ARHGAP8: variants seen among roughly 807,000 people sequenced by gnomAD.
The protein encoded by ARHGAP8 is rho GTPase-activating protein 8.
A neutral mutation model predicts 46.1 loss-of-function variants in ARHGAP8; 62 were observed. That is an observed-to-expected ratio of 1.34 (90% CI 1.10 to 1.66). ARHGAP8 has a LOEUF of 1.66. ARHGAP8 is among the 40% of genes most tolerant of loss of function. The pLI, the probability that ARHGAP8 is intolerant of heterozygous loss-of-function variation, is 0.00. For synonymous variants in ARHGAP8, 375 were observed against 243.1 expected, an observed-to-expected ratio of 1.54 and a Z score of -5.05; for missense variants, 923 against 568.4, an observed-to-expected ratio of 1.62 and a Z score of -6.34.
rs527605316 is a variant in ARHGAP8 at position 44,844,472 on chromosome 22, A to T, written c.597-797A>T. On this transcript the variant is annotated intron_variant, in intron 7 of 11. Transcript: ENST00000356099. Reference sequence around the variant, plus strand: ...CTCAGATTGGATTTTATTTTATTTTATTTTTTTTGAGATGGAGTCTCCCTC... The same window carrying T: ...CTCAGATTGGATTTTATTTTATTTTTTTTTTTTTGAGATGGAGTCTCCCTC... 8.2e-4 allele frequency among the ~76,000 whole-genome samples: 125 copies of T among 151,822 alleles called. 1 individual carries two copies. The highest frequency in any genetic ancestry group is 3.3e-3 in the East Asian group (17 of 5,132).
At position 44,862,345 on chromosome 22, in the gene ARHGAP8, T is replaced by G; in HGVS notation, c.1052T>G (p.Ile351Ser). Residue 351 changes from isoleucine to serine, a missense_variant, in exon 12 of 12, where the codon ATC becomes AGC. Coordinates refer to ENST00000356099, the MANE Select transcript of ARHGAP8 (RefSeq NM_181335.3). The part of the protein sequence containing the change: ...NLACVFGLNL[I>S]WPSQGVSSLS... ...GCCTGTGTCTTCGGGCTGAATTTGA[T>G]CTGGCCATCCCAGGGGGTCTCCTCC... 6.2e-7 allele frequency: 1 copy of G among 1,614,060 alleles called. No homozygotes were observed. Among genetic ancestry groups the G allele is most frequent in the Non-Finnish European group, 8.5e-7 (1 of 1,179,934 alleles).
intron 4 of ARHGAP8, among the ~76,000 whole-genome samples, chr22:44,812,981 G>T (rs1929445257): frequency 6.6e-6 from 1 of 151,978 alleles, no homozygotes; most frequent in African/African-American, 2.4e-5. Context: ...GGACTCCCAG[G>T]TCCTTCTGAC....
rs377622674 is a variant in ARHGAP8 at position 44,802,834 on chromosome 22, C to T, written c.167+670C>T. On this transcript the variant is annotated intron_variant, in intron 3 of 11. Transcript: ENST00000356099. ...TGTGTCTTCCCATCTCATAAGGACA[C>T]CAGCCACGGGACTAGAGCCACTCTA... 2.0e-3 allele frequency among the ~76,000 whole-genome samples: 307 copies of T among 152,294 alleles called. 1 individual carries two copies. The highest frequency in any genetic ancestry group is 7.1e-3 in the African/African-American group (294 of 41,552).
chr22:44,782,362 ATAAAT>A (rs1926904236), intron 1 of ARHGAP8, among the ~76,000 whole-genome samples: 1 of 152,176 alleles, frequency 6.6e-6, no homozygotes, highest in Non-Finnish European at 1.5e-5. Context: ...AATGAAAAGA[ATAAAT>A]TAATCACTTT....
intron 11 of ARHGAP8, among the ~76,000 whole-genome samples, chr22:44,861,865 A>C (rs899408718): frequency 1.3e-5 from 2 of 152,204 alleles, no homozygotes; most frequent in Admixed American, 6.5e-5. Context: ...TGCCCCTCGT[A>C]GTGGCCCCTA....
rs552007156 is a variant in ARHGAP8 at position 44,845,437 on chromosome 22, G to A, written c.670+95G>A. 7.1e-6 allele frequency: 11 copies of A among 1,550,562 alleles called. No individual in the cohort carries two copies. The African/African-American group carries it at 1.1e-4, about 15-fold the overall frequency. On this transcript the variant is annotated intron_variant, in intron 8 of 11. Coordinates refer to ENST00000356099, the MANE Select transcript of ARHGAP8 (RefSeq NM_181335.3). Reference sequence around the variant, plus strand: ...TGGATCCTGAGCACCCACAAGCCAGGGGGTGTGACCAGGAAGGGAGGGGCT... The same window carrying A: ...TGGATCCTGAGCACCCACAAGCCAGAGGGTGTGACCAGGAAGGGAGGGGCT...
At chr22:44,769,370 A>G (rs1925835138) in intron 1 of ARHGAP8, among the ~76,000 whole-genome samples, 1 of 152,160 alleles carries the variant, frequency 6.6e-6, no homozygotes, top group Non-Finnish European at 1.5e-5. Flanking sequence ...GTGTAGCTTT[A>G]TAATAGGTCT....
At chr22:44,819,684 A>G (rs1007413372) in intron 5 of ARHGAP8, among the ~76,000 whole-genome samples, 22 of 135,160 alleles carry the variant, frequency 1.6e-4, no homozygotes, top group African/African-American at 8.5e-4. Context: ...AGAAAAAAGA[A>G]AAAAAAATCT....
intron 1 of ARHGAP8, among the ~76,000 whole-genome samples, chr22:44,766,709 C>T (rs989410025): frequency 1.3e-5 from 2 of 152,182 alleles, no homozygotes; most frequent in African/African-American, 4.8e-5. Context: ...CTTCCTTCCT[C>T]TCCCCAGTCC....
intron 7 of ARHGAP8, among the ~76,000 whole-genome samples, chr22:44,835,028 A>G: frequency 6.6e-6 from 1 of 152,108 alleles, no homozygotes; most frequent in Admixed American, 6.6e-5. Flanking sequence ...ACAGCATATA[A>G]TTAGGTCATG....
intron 7 of ARHGAP8, among the ~76,000 whole-genome samples, chr22:44,827,170 C>T (rs1208316643): frequency 6.6e-6 from 1 of 151,684 alleles, no homozygotes; most frequent in Non-Finnish European, 1.5e-5. Context: ...AAGCAGAGGC[C>T]GGAGGGGTGC....
At chr22:44,776,706 G>C (rs545093488) in intron 1 of ARHGAP8, among the ~76,000 whole-genome samples, 1 of 152,118 alleles carries the variant, frequency 6.6e-6, no homozygotes, top group Non-Finnish European at 1.5e-5. Context: ...TGGGCACTCC[G>C]GGAGGATTTG....
rs2070564436 is a variant in ARHGAP8 at position 44,862,752 on chromosome 22, A to G, written c.*157A>G. On this transcript the variant is annotated 3_prime_UTR_variant, in exon 12 of 12. Transcript: ENST00000356099. ...GCCTCTGGTCCTTGGACTCTTGTCC[A>G]TGGTTCCTGAGCTGTGGACCGGGAT... The G allele has an allele frequency of 1.1e-6, 1 of 907,152 alleles. No individual in the cohort carries two copies. The highest frequency in any genetic ancestry group is 3.0e-5 in the Admixed American group (1 of 33,260). 56.2% of individuals were successfully genotyped at this position (907,152 alleles called of 1,614,324 possible).
At chr22:44,757,939 C>T (rs752542599) in intron 1 of ARHGAP8, among the ~76,000 whole-genome samples, 1 of 151,820 alleles carries the variant, frequency 6.6e-6, no homozygotes, top group Non-Finnish European at 1.5e-5. Flanking sequence ...ACAGGCATGA[C>T]CCACCGCCCC....
Position 44,859,826 on chromosome 22 carries a change from C to T in ARHGAP8, c.973C>T (p.Leu325=), listed in dbSNP as rs367647811. Residue 325 remains leucine (L), a synonymous_variant, in exon 11 of 12, where the codon CTG becomes TTG. Transcript: ENST00000356099. ...YVVLRYLMGF[L]HAVSRESIFN... ...CGTCCTCCGCTACCTCATGGGCTTC[C>T]TGCATGCGGTGAGTGGGGAAGGGGG... 7 of 1,613,592 alleles carry T rather than the reference C, an allele frequency of 4.3e-6. No homozygotes were observed. In the African/African-American group the frequency reaches 8.0e-5, roughly 18 times the overall value.
At chr22:44,804,767 G>A (rs1316495842) in intron 3 of ARHGAP8, among the ~76,000 whole-genome samples, 1 of 152,154 alleles carries the variant, frequency 6.6e-6, no homozygotes, top group African/African-American at 2.4e-5. Flanking sequence ...AGAAGACTTT[G>A]GGCTGGTTGC....
chr22:44,829,819 GAATGAGCT>G (rs1930812274), intron 7 of ARHGAP8, among the ~76,000 whole-genome samples: 2 of 152,124 alleles, frequency 1.3e-5, no homozygotes, highest in South Asian at 4.1e-4. Flanking sequence ...TATCACCTTA[GAATGAGCT>G]AATGAAGTTA....
Position 44,800,606 on chromosome 22 carries a change from G to A in ARHGAP8, c.80-1471G>A, listed in dbSNP as rs1274802080. On this transcript the variant is annotated intron_variant, in intron 2 of 11. Coordinates refer to ENST00000356099, the MANE Select transcript of ARHGAP8 (RefSeq NM_181335.3). ...CCATGTGTGGGGGGCGCCCCTCCCC[G>A]CAGCTGTCCATGTGTGGGGGGCGCC... Among the ~76,000 whole-genome samples the A allele has an allele frequency of 7.4e-4, 60 of 81,354 alleles. 1 individual carries two copies. The highest frequency in any genetic ancestry group is 1.5e-3 in the African/African-American group (25 of 16,694). The allele number at this position is 81,354 out of a possible 152,430, so 53.4% of individuals were successfully genotyped here.
chr22:44,817,171 G>C (rs1388787006), intron 5 of ARHGAP8, among the ~76,000 whole-genome samples: 1 of 152,206 alleles, frequency 6.6e-6, no homozygotes, highest in Non-Finnish European at 1.5e-5. Flanking sequence ...ACAGGCGTGA[G>C]CCACCATGCC....
Sources: allele counts gnomAD v4.1 joint callset (sites outside exome capture counted in the v4.1 genomes callset), GRCh38; gene constraint gnomAD v4.1.1; transcripts MANE v1.5; gene names NCBI Gene and HGNC (gene_info 2026-07-23, HGNC 2026-07-21).